Variants in FRMPD3 observed in about 807,000 individuals in gnomAD.
The protein encoded by FRMPD3 is FERM and PDZ domain containing 3, also known as FERM and PDZ domain-containing protein 3.
FRMPD3 carries 42 observed loss-of-function variants against 97.9 expected under a neutral mutation model. The ratio of observed to expected loss-of-function variants is 0.43; its 90% CI spans 0.34 to 0.55. FRMPD3 has a LOEUF of 0.55. Among genes scored for constraint, FRMPD3 ranks in the 20% least tolerant of loss-of-function variants. FRMPD3 has a pLI of 0.03. For missense variants in FRMPD3, 1,303 were observed against 1,457.7 expected, an observed-to-expected ratio of 0.89 and a Z score of 1.73; for synonymous variants, 577 against 581.1, an observed-to-expected ratio of 0.99 and a Z score of 0.10.
At chrX:107,559,497 A>G (rs1440278974) in intron 8 of FRMPD3, among the ~76,000 whole-genome samples, 1 of 111,965 alleles carries the variant, frequency 8.9e-6, no homozygotes, top group African/African-American at 3.2e-5. Flanking sequence ...AATTTTCTAC[A>G]TAGATGATCA....
At chrX:107,518,114 G>T (rs570462613) in intron 1 of FRMPD3, among the ~76,000 whole-genome samples, 1 of 111,539 alleles carries the variant, frequency 9.0e-6, no homozygotes. Flanking sequence ...AAATAAAAAG[G>T]AACTTGAAGG....
At chrX:107,495,355 CA>C (rs1352260204) in intron 1 of FRMPD3, among the ~76,000 whole-genome samples, 7 of 112,024 alleles carry the variant, frequency 6.2e-5, no homozygotes, top group Non-Finnish European at 1.3e-4. Flanking sequence ...GTATTTTTTC[CA>C]AACCACTTAT....
Position 107,603,371 on chromosome X carries a change from T to C in FRMPD3, c.5332T>C (p.Ter1778GlnextTer26). The stretch of plus-strand genomic sequence containing the variant: ...CCACTCCTTAAAAACCCTTATTAAG[T>C]AGGGCATCTGCCCACACCTGTCCCC... ...FTHSLKTLIK* is the reference protein window; with the variant it reads ...FTHSLKTLIKQ Residue 1778 changes from the stop codon to glutamine, a stop_lost, in exon 15 of 15, where the codon TAG (stop) becomes CAG (glutamine). Transcript: ENST00000683843. The C allele has an allele frequency of 8.7e-7, 1 of 1,144,011 alleles. No individual in the cohort carries two copies. Among genetic ancestry groups the C allele is most frequent in the Non-Finnish European group, 1.2e-6 (1 of 859,845 alleles). 94.3% of individuals were successfully genotyped at this position (1,144,011 alleles called of 1,213,427 possible).
At chrX:107,462,543 T>G (rs761740098) in intron 1 of FRMPD3, among the ~76,000 whole-genome samples, 14 of 111,964 alleles carry the variant, frequency 1.3e-4, no homozygotes, top group Non-Finnish European at 2.6e-4. Context: ...AGGTGAGGAA[T>G]GATGCACCTG....
chrX:107,472,505 G>A (rs746729059), intron 1 of FRMPD3, among the ~76,000 whole-genome samples: 88 of 105,611 alleles, frequency 8.3e-4, no homozygotes, highest in Non-Finnish European at 1.6e-3. Flanking sequence ...AAGCAGTGGC[G>A]TTTGGAGGCT....
At chrX:107,480,956 GAAAGAAAC>G (rs1302408950) in intron 1 of FRMPD3, among the ~76,000 whole-genome samples, 3 of 104,437 alleles carry the variant, frequency 2.9e-5, no homozygotes, top group Non-Finnish European at 5.9e-5. Context: ...AAGAAAGAAA[GAAAGAAAC>G]AGACATTGCT....
rs967177263 is a variant in FRMPD3 at position 107,600,973 on chromosome X, C to G, written c.2934C>G (p.Asn978Lys). 41 of 1,205,510 alleles carry G rather than the reference C, an allele frequency of 3.4e-5. No homozygotes were observed. In the Admixed American group the frequency reaches 7.9e-4, roughly 23 times the overall value. Residue 978 changes from asparagine to lysine, a missense_variant, in exon 15 of 15, where the codon AAC becomes AAG. Asn to Lys is a moderately conservative substitution (Grantham distance 94, BLOSUM62 0). Around this residue, in one of 3 missense-constraint regions of FRMPD3, gnomAD observed 764 missense variants for 820.2 expected, o/e 0.93. Transcript: ENST00000683843. Reference protein sequence around the residue: ...SLVTAGGALGNPPSRGERRLE... With the variant: ...SLVTAGGALGKPPSRGERRLE... ...TCACTGCTGGTGGGGCTTTGGGGAACCCCCCCAGCAGGGGTGAGAGAAGGC... is the reference window on the plus strand; with the variant it reads ...TCACTGCTGGTGGGGCTTTGGGGAAGCCCCCCAGCAGGGGTGAGAGAAGGC...
chrX:107,536,869 G>A (rs1168527228), intron 4 of FRMPD3, among the ~76,000 whole-genome samples: 5 of 111,592 alleles, frequency 4.5e-5, no homozygotes, highest in African/African-American at 1.6e-4. Flanking sequence ...TGTTACTGCT[G>A]TATCCCCAGC....
At chrX:107,576,486 G>A in intron 13 of FRMPD3, 27 bp downstream of exon 13, 1 of 1,204,405 alleles carries the variant, frequency 8.3e-7, no homozygotes, top group Non-Finnish European at 1.1e-6. Flanking sequence ...GTTGGTTTTT[G>A]CTGTGCCAGA....
At chrX:107,589,487 C>T (rs1569428133) in intron 13 of FRMPD3, among the ~76,000 whole-genome samples, 1 of 110,769 alleles carries the variant, frequency 9.0e-6, no homozygotes, top group Non-Finnish European at 1.9e-5. Flanking sequence ...GTGTGGCTCT[C>T]AGGTGGGCCA....
At chrX:107,530,843 A>G (rs746934630) in intron 3 of FRMPD3, among the ~76,000 whole-genome samples, 22 of 110,424 alleles carry the variant, frequency 2.0e-4, no homozygotes, top group Non-Finnish European at 4.0e-4. Flanking sequence ...GTGACAGATG[A>G]GAATCAAGCC....
intron 1 of FRMPD3, among the ~76,000 whole-genome samples, chrX:107,463,882 G>A (rs916071356): frequency 8.9e-6 from 1 of 112,332 alleles, no homozygotes; most frequent in African/African-American, 3.2e-5. Context: ...CAAACCCTGA[G>A]AGCCCTAGTA....
In FRMPD3 at chrX:107,602,164, G is replaced by A. The variant is rs777648538; in HGVS notation, c.4125G>A (p.Thr1375=). 9.9e-5 allele frequency: 120 copies of A among 1,209,427 alleles called. No homozygotes were observed. The highest frequency in any genetic ancestry group is 1.3e-4 in the Non-Finnish European group (112 of 895,098). ...DPESGVSCLT[T]CASGGECLGA... The stretch of plus-strand genomic sequence containing the variant: ...AGAGTGGTGTTTCGTGCCTGACCAC[G>A]TGTGCCTCGGGGGGCGAGTGTCTGG... The change falls in exon 15 of 15, where the codon ACG becomes ACA. Residue 1375 remains threonine (T), a synonymous_variant. Transcript: ENST00000683843.
intron 13 of FRMPD3, among the ~76,000 whole-genome samples, chrX:107,589,872 C>T (rs1402673121): frequency 5.3e-5 from 6 of 112,229 alleles, no homozygotes; most frequent in African/African-American, 1.3e-4. Flanking sequence ...GAATTGAGGT[C>T]GGGCATGGTG....
At chrX:107,468,835 T>C (rs1218759844) in intron 1 of FRMPD3, among the ~76,000 whole-genome samples, 5 of 112,575 alleles carry the variant, frequency 4.4e-5, no homozygotes, top group Admixed American at 9.4e-5. Context: ...TCCACGTGGG[T>C]AGAGGATCCA....
intron 1 of FRMPD3, among the ~76,000 whole-genome samples, chrX:107,483,043 G>A (rs1428473241): frequency 8.9e-6 from 1 of 112,093 alleles, no homozygotes; most frequent in African/African-American, 3.2e-5. Context: ...GAACGAATGA[G>A]TATGGGATGC....
intron 14 of FRMPD3, among the ~76,000 whole-genome samples, 173 bp downstream of exon 14, chrX:107,598,315 G>T (rs1260021940): frequency 8.9e-6 from 1 of 112,339 alleles, no homozygotes; most frequent in East Asian, 2.8e-4. Flanking sequence ...TTACAGCAGG[G>T]AGCAGCTGCT....
chrX:107,596,313 T>C lies in FRMPD3; in HGVS notation c.1442-1008T>C, dbSNP rs183706163. On this transcript the variant is annotated intron_variant, in intron 13 of 14. Coordinates refer to ENST00000683843, the MANE Select transcript of FRMPD3 (RefSeq NM_001388459.1). ...AACCTTAGGTGAGTCAGTTTCTTTA[T>C]CCTTAAAATGTGAATAATGATAATA... Among the ~76,000 whole-genome samples, 7 of 112,231 alleles carry C rather than the reference T, an allele frequency of 6.2e-5. No individual in the cohort carries two copies. In the East Asian group the frequency reaches 1.7e-3, roughly 27 times the overall value.
chrX:107,472,927 C>A (rs1921102072), intron 1 of FRMPD3, among the ~76,000 whole-genome samples: 2 of 112,160 alleles, frequency 1.8e-5, no homozygotes, highest in South Asian at 7.5e-4. Flanking sequence ...GTAGGTAAAG[C>A]ACTAATAAAT....
Sources: gnomAD v4.1 joint callset for allele counts (sites outside exome capture counted in the v4.1 genomes callset) on GRCh38, gnomAD v4.1.1 for gene constraint, gnomAD v4.1.1 regional missense constraint, MANE v1.5 for transcripts, NCBI Gene and HGNC (gene_info 2026-07-23, HGNC 2026-07-21) for gene names.